NRG3: variants seen among roughly 807,000 people sequenced by gnomAD.
The protein encoded by NRG3 is pro-neuregulin-3, membrane-bound isoform.
In NRG3, 31 loss-of-function variants were observed where a neutral mutation model predicts 66.9. The ratio of observed to expected loss-of-function variants is 0.46; its 90% CI spans 0.35 to 0.63. NRG3 has a LOEUF of 0.63. NRG3 is among the 20% of genes least tolerant of loss of function. NRG3 has a pLI of 0.00. For synonymous variants in NRG3, 393 were observed against 359.4 expected (o/e 1.09, Z -1.06); for missense variants, 910 against 878.9 (o/e 1.04, Z -0.45).
chr10:82,318,994 C>A (rs2081426631), intron 1 of NRG3, among the ~76,000 whole-genome samples: 1 of 150,712 alleles, frequency 6.6e-6, no homozygotes, highest in African/African-American at 2.5e-5. Flanking sequence ...AAAAAACAGA[C>A]CTCCCAAACA....
intron 1 of NRG3, among the ~76,000 whole-genome samples, chr10:82,125,271 G>A (rs1379097841): frequency 6.6e-6 from 1 of 151,928 alleles, no homozygotes; most frequent in Admixed American, 6.6e-5. Context: ...ATGTGTGTGT[G>A]TGTGTTTCCA....
intron 2 of NRG3, among the ~76,000 whole-genome samples, chr10:82,681,033 G>C (rs2054075115): frequency 1.3e-5 from 2 of 152,174 alleles, no homozygotes; most frequent in Non-Finnish European, 2.9e-5. Flanking sequence ...CCAGGGTCTA[G>C]ACCAGACATT....
At chr10:82,351,039 C>T (rs1433419519) in intron 1 of NRG3, among the ~76,000 whole-genome samples, 1 of 152,060 alleles carries the variant, frequency 6.6e-6, no homozygotes, top group Non-Finnish European at 1.5e-5. Context: ...CTACAGGCGC[C>T]CGCCACCATG....
At chr10:82,415,536 G>C (rs776211515) in intron 2 of NRG3, among the ~76,000 whole-genome samples, 20 of 152,108 alleles carry the variant, frequency 1.3e-4, no homozygotes, top group Non-Finnish European at 2.6e-4. Flanking sequence ...TGCCCATCAT[G>C]CATAAAAATA....
At chr10:82,703,398 A>G (rs1054546076) in intron 2 of NRG3, among the ~76,000 whole-genome samples, 1 of 152,156 alleles carries the variant, frequency 6.6e-6, no homozygotes, top group Admixed American at 6.6e-5. Flanking sequence ...CCTAACTTGG[A>G]TAATACCAAA....
At chr10:82,361,161 C>T (rs1016471820) in intron 2 of NRG3, among the ~76,000 whole-genome samples, 16 of 152,258 alleles carry the variant, frequency 1.1e-4, no homozygotes, top group Non-Finnish European at 2.2e-4. Flanking sequence ...ATGTACATCT[C>T]TAATTTTTGT....
At chr10:82,172,858 C>T (rs952446234) in intron 1 of NRG3, among the ~76,000 whole-genome samples, 3 of 151,984 alleles carry the variant, frequency 2.0e-5, no homozygotes, top group Non-Finnish European at 4.4e-5. Flanking sequence ...TTACATCATT[C>T]CCAACAAAAG....
At chr10:82,263,359 G>C (rs2078131098) in intron 1 of NRG3, among the ~76,000 whole-genome samples, 1 of 152,132 alleles carries the variant, frequency 6.6e-6, no homozygotes, top group South Asian at 2.1e-4. Flanking sequence ...CACTCTGAAT[G>C]AGATTTGGAG....
intron 2 of NRG3, among the ~76,000 whole-genome samples, chr10:82,444,378 C>A (rs2090604388): frequency 2.0e-5 from 3 of 152,148 alleles, no homozygotes; most frequent in Admixed American, 6.6e-5. Flanking sequence ...GCTGGGATGA[C>A]AGGCACAAGC....
At chr10:82,459,621 C>G (rs1209709034) in intron 2 of NRG3, among the ~76,000 whole-genome samples, 1 of 152,194 alleles carries the variant, frequency 6.6e-6, no homozygotes, top group Non-Finnish European at 1.5e-5. Flanking sequence ...TTCTCAACAT[C>G]TCTGCATCAT....
In NRG3 at chr10:82,699,609, G is replaced by C. The variant is rs559683624; in HGVS notation, c.954-38968G>C. Among the ~76,000 whole-genome samples the C allele has an allele frequency of 4.0e-5, 6 of 151,812 alleles. No homozygotes were observed. The East Asian group carries it at 1.2e-3, about 29-fold the overall frequency. Reference sequence around the variant, plus strand: ...TCTAATACTTATTATAGCAAATCATGTCGATCTCTAATGGCTCTGAGCAGA... The same window carrying C: ...TCTAATACTTATTATAGCAAATCATCTCGATCTCTAATGGCTCTGAGCAGA... On this transcript the variant is annotated intron_variant, in intron 2 of 8. Transcript: ENST00000372141.
At chr10:82,173,854 C>T (rs551132923) in intron 1 of NRG3, among the ~76,000 whole-genome samples, 14 of 152,104 alleles carry the variant, frequency 9.2e-5, no homozygotes, top group South Asian at 4.1e-4. Context: ...CTCCTGACCT[C>T]TGGTTAGCTA....
At chr10:81,933,504 A>C (rs1315229114) in intron 1 of NRG3, among the ~76,000 whole-genome samples, 1 of 152,230 alleles carries the variant, frequency 6.6e-6, no homozygotes, top group East Asian at 1.9e-4. Flanking sequence ...ATGTGTATAC[A>C]TGTGCCATGT....
intron 3 of NRG3, among the ~76,000 whole-genome samples, chr10:82,843,489 T>C (rs1237777496): frequency 6.6e-6 from 1 of 152,194 alleles, no homozygotes; most frequent in Non-Finnish European, 1.5e-5. Context: ...TATGCTGTTT[T>C]AGCAGTACAA....
Position 82,335,042 on chromosome 10 carries a change from TC to T in NRG3, c.824-23696del, listed in dbSNP as rs574339200. ...CATTTCATCCTCCGTGGCCTTTACTTCAACTGAATTTCAGTTTTATGCCAAC... is the reference window on the plus strand; with the variant it reads ...CATTTCATCCTCCGTGGCCTTTACTTAACTGAATTTCAGTTTTATGCCAAC... On this transcript the variant is annotated intron_variant, in intron 1 of 8. Transcript: ENST00000372141. Among the ~76,000 whole-genome samples, 19 of 152,328 alleles carry T rather than the reference TC, an allele frequency of 1.2e-4. No homozygotes were observed. The East Asian group carries it at 3.3e-3, about 26-fold the overall frequency.
chr10:82,328,585 G>A (rs927892164), intron 1 of NRG3, among the ~76,000 whole-genome samples: 1 of 152,090 alleles, frequency 6.6e-6, no homozygotes, highest in African/African-American at 2.4e-5. Flanking sequence ...GTTCAAGTCC[G>A]TAAATGGTTT....
intron 2 of NRG3, among the ~76,000 whole-genome samples, chr10:82,556,871 T>C (rs1173348850): frequency 6.6e-6 from 1 of 152,204 alleles, no homozygotes; most frequent in Non-Finnish European, 1.5e-5. Flanking sequence ...TAGCTCCTAC[T>C]TTTAAGTGAG....
intron 3 of NRG3, among the ~76,000 whole-genome samples, chr10:82,753,762 C>T (rs2058968532): frequency 6.6e-6 from 1 of 151,932 alleles, no homozygotes; most frequent in South Asian, 2.1e-4. Context: ...TCCTGGCCAA[C>T]ATGGTGAAAC....
chr10:82,825,696 CTTA>C (rs1201037186), intron 3 of NRG3, among the ~76,000 whole-genome samples: 4 of 152,176 alleles, frequency 2.6e-5, no homozygotes, highest in Non-Finnish European at 5.9e-5. Flanking sequence ...ACATTCAAAA[CTTA>C]TTATCGGATG....
Sources: gnomAD v4.1 joint callset for allele counts (sites outside exome capture counted in the v4.1 genomes callset) on GRCh38, gnomAD v4.1.1 for gene constraint, MANE v1.5 for transcripts, NCBI Gene and HGNC (gene_info 2026-07-23, HGNC 2026-07-21) for gene names.